AGMO: variants seen among roughly 807,000 people sequenced by gnomAD.
The protein encoded by AGMO is alkylglycerol monooxygenase.
In AGMO, 75 loss-of-function variants were observed where a neutral mutation model predicts 60.2. The ratio of observed to expected loss-of-function variants is 1.25; its 90% CI spans 1.03 to 1.51. The LOEUF (loss-of-function observed/expected upper bound fraction) is 1.51. Ranked by LOEUF, AGMO falls within the 40% of genes most tolerant of loss-of-function variation. AGMO has a pLI of 0.00. For missense variants in AGMO, 763 were observed against 525.5 expected (o/e 1.45, Z -4.42); for synonymous variants, 261 against 177.1 (o/e 1.47, Z -3.76).
chr7:15,278,740 T>G (rs1783872643), intron 12 of AGMO, among the ~76,000 whole-genome samples: 1 of 152,146 alleles, frequency 6.6e-6, no homozygotes, highest in South Asian at 2.1e-4. Flanking sequence ...CCCTCCCTGG[T>G]CCAGGGCAGC....
chr7:15,207,398 G>C (rs932983019), intron 12 of AGMO, among the ~76,000 whole-genome samples: 1 of 152,050 alleles, frequency 6.6e-6, no homozygotes, highest in Non-Finnish European at 1.5e-5. Flanking sequence ...ACCAACCCTT[G>C]TTCTAAGAGA....
At chr7:15,391,274 T>C (rs987619461) in intron 6 of AGMO, among the ~76,000 whole-genome samples, 3 of 152,108 alleles carry the variant, frequency 2.0e-5, no homozygotes, top group African/African-American at 2.4e-5. Context: ...ACGATGTATA[T>C]AAATGTTTTT....
chr7:15,405,033 G>A (rs187392250), intron 5 of AGMO, among the ~76,000 whole-genome samples: 4 of 151,800 alleles, frequency 2.6e-5, no homozygotes, highest in East Asian at 3.9e-4. Flanking sequence ...GGACTTACAC[G>A]TCTTAAGTTC....
intron 3 of AGMO, among the ~76,000 whole-genome samples, chr7:15,490,878 T>C (rs1460266171): frequency 6.6e-6 from 1 of 152,180 alleles, no homozygotes; most frequent in Admixed American, 6.5e-5. Context: ...AAAAATCAAA[T>C]GTTATACAAT....
chr7:15,328,937 C>G (rs1781423451), intron 12 of AGMO, among the ~76,000 whole-genome samples: 1 of 152,120 alleles, frequency 6.6e-6, no homozygotes, highest in Admixed American at 6.6e-5. Context: ...CATCCTTGCC[C>G]TCTACCTGAA....
intron 2 of AGMO, among the ~76,000 whole-genome samples, chr7:15,552,366 C>T (rs1248098535): frequency 6.6e-6 from 1 of 152,120 alleles, no homozygotes; most frequent in East Asian, 1.9e-4. Flanking sequence ...AAGAAACTAC[C>T]ATTAGAGTGA....
rs192606051 is a variant in AGMO, at chr7:15,354,283, G to C, written c.1263+11231C>G. Among the ~76,000 whole-genome samples, 10 of 115,580 alleles carry C rather than the reference G, an allele frequency of 8.7e-5. No individual in the cohort carries two copies. The East Asian group carries it at 1.8e-3, about 21-fold the overall frequency. The allele number at this position is 115,580 out of a possible 152,430, so 75.8% of individuals were successfully genotyped here. ...TGTGTACATGATAGATGTATATCAC[G>C]AATGAGATAAATATATATACGTGTA... On this transcript the variant is annotated intron_variant, in intron 12 of 12. Coordinates refer to ENST00000342526, the MANE Select transcript of AGMO (RefSeq NM_001004320.2).
At chr7:15,356,894 A>C (rs1453205883) in intron 12 of AGMO, among the ~76,000 whole-genome samples, 1 of 150,312 alleles carries the variant, frequency 6.7e-6, no homozygotes, top group African/African-American at 2.4e-5. Context: ...GGTCACCTGA[A>C]GTCAGGTGTT....
chr7:15,191,843 A>C, the AGMO span, among the ~76,000 whole-genome samples: 1 of 152,078 alleles, frequency 6.6e-6, no homozygotes, highest in Non-Finnish European at 1.5e-5. Context: ...AGCAGTGTTA[A>C]ATAATGTAAA....
At chr7:15,409,697 T>C (rs1202979877) in intron 5 of AGMO, among the ~76,000 whole-genome samples, 1 of 151,870 alleles carries the variant, frequency 6.6e-6, no homozygotes, top group Non-Finnish European at 1.5e-5. Flanking sequence ...GAGCAATTTT[T>C]GCTTGCACGT....
At chr7:15,517,800 C>T (rs1475885682) in intron 3 of AGMO, among the ~76,000 whole-genome samples, 1 of 151,932 alleles carries the variant, frequency 6.6e-6, no homozygotes, top group Non-Finnish European at 1.5e-5. Context: ...CCCAGTGGTG[C>T]CTGGAATACC....
At chr7:15,426,650 G>A (rs903970390) in intron 4 of AGMO, among the ~76,000 whole-genome samples, 1 of 152,098 alleles carries the variant, frequency 6.6e-6, no homozygotes, top group Non-Finnish European at 1.5e-5. Context: ...TCAGGAGGCA[G>A]AGACAAAAGA....
At chr7:15,212,142 G>A (rs1781609270) in intron 12 of AGMO, among the ~76,000 whole-genome samples, 2 of 151,610 alleles carry the variant, frequency 1.3e-5, no homozygotes, top group African/African-American at 2.4e-5. Context: ...ACTCAATGTA[G>A]GAAAACCTAA....
chr7:15,150,118 T>C, the AGMO span, among the ~76,000 whole-genome samples: 1 of 152,016 alleles, frequency 6.6e-6, no homozygotes, highest in Non-Finnish European at 1.5e-5. Flanking sequence ...TTGGTCCAAG[T>C]AGCATAGAAA....
intron 12 of AGMO, among the ~76,000 whole-genome samples, chr7:15,357,016 C>T (rs186250961): frequency 5.4e-5 from 8 of 148,002 alleles, no homozygotes; most frequent in African/African-American, 7.5e-5. Flanking sequence ...CCCAGCTACT[C>T]AGGAGGCTGA....
chr7:15,322,651 TATATATATAA>T (rs1451016692), intron 12 of AGMO, among the ~76,000 whole-genome samples: 2 of 56,606 alleles, frequency 3.5e-5, no homozygotes, highest in South Asian at 5.1e-4. Context: ...AATATATAAA[TATATATATAA>T]ATATATATAA....
intron 3 of AGMO, among the ~76,000 whole-genome samples, chr7:15,487,949 C>G (rs1403770846): frequency 5.3e-5 from 8 of 151,090 alleles, no homozygotes; most frequent in African/African-American, 1.9e-4. Context: ...TCAAAAATTT[C>G]AAAAAAAAAT....
At chr7:15,457,251 G>C (rs1347886797) in intron 3 of AGMO, among the ~76,000 whole-genome samples, 1 of 152,092 alleles carries the variant, frequency 6.6e-6, no homozygotes, top group Non-Finnish European at 1.5e-5. Flanking sequence ...CTGTAATTCA[G>C]TGTTCAGATA....
rs1402723880 is a variant in AGMO at position 15,248,214 on chromosome 7, A to ATATATATATATATATATATG, written c.1264-46856_1264-46855insCATATATATATATATATATA. ...TATATATATATATATATATATATATATATATATATATCTTCATCTTCAATT... is the reference window on the plus strand; with the variant it reads ...TATATATATATATATATATATATATATATATATATATATATATATGTATATATATATCTTCATCTTCAATT... On this transcript the variant is annotated intron_variant, in intron 12 of 12. Transcript: ENST00000342526. Among the ~76,000 whole-genome samples the ATATATATATATATATATATG allele has an allele frequency of 6.6e-3, 472 of 71,114 alleles. 57 individuals are homozygous for ATATATATATATATATATATG. The highest frequency in any genetic ancestry group is 0.017 in the Middle Eastern group (2 of 120). The allele number at this position is 71,114 out of a possible 152,430, so 46.7% of individuals were successfully genotyped here. A position where few individuals can be genotyped will look rare whatever the true frequency, so the allele number is the denominator to read the frequency against.
Sources: allele counts gnomAD v4.1 joint callset (sites outside exome capture counted in the v4.1 genomes callset), GRCh38; gene constraint gnomAD v4.1.1; transcripts MANE v1.5; gene names NCBI Gene and HGNC (gene_info 2026-07-23, HGNC 2026-07-21).